KIAA1958: variants seen among roughly 807,000 people sequenced by gnomAD.
The protein encoded by KIAA1958 is uncharacterized protein KIAA1958.
In KIAA1958, 14 loss-of-function variants were observed where a neutral mutation model predicts 47.2. The observed-to-expected ratio is 0.30, with a 90% CI of 0.20 to 0.46. The LOEUF (loss-of-function observed/expected upper bound fraction) is 0.46. Among genes scored for constraint, KIAA1958 ranks in the 20% least tolerant of loss-of-function variants. The probability of loss-of-function intolerance (pLI) is 1.00; values close to 1 mark genes in which losing one functional copy is unlikely to be tolerated. For missense variants in KIAA1958, 803 were observed against 909.2 expected, an observed-to-expected ratio of 0.88 and a Z score of 1.50; for synonymous variants, 354 against 353.3, an observed-to-expected ratio of 1.00 and a Z score of -0.02.
At chr9:112,638,444 A>G (rs927221989) in intron 2 of KIAA1958, among the ~76,000 whole-genome samples, 24 of 152,082 alleles carry the variant, frequency 1.6e-4, no homozygotes, top group African/African-American at 5.3e-4. Flanking sequence ...CGAGGCTGCA[A>G]TGAGTGATAG....
In KIAA1958 at chr9:112,505,143, G is replaced by GT. The variant is rs1267501206; in HGVS notation, c.-25+18032dup. On this transcript the variant is annotated intron_variant, in intron 1 of 3. Coordinates refer to ENST00000337530, the MANE Select transcript of KIAA1958 (RefSeq NM_133465.4). ...CCATGTATAAGAATATGTGATACTT[G>GT]TTTTTTTGTGCCTGGCTTTATTTCA... is the stretch of plus-strand genomic sequence containing the variant. 2.0e-5 allele frequency among the ~76,000 whole-genome samples: 3 copies of GT among 152,132 alleles called. 1 individual carries two copies. Among genetic ancestry groups the GT allele is most frequent in the South Asian group, 4.2e-4 (2 of 4,808 alleles).
intron 3 of KIAA1958, among the ~76,000 whole-genome samples, chr9:112,653,430 G>A (rs983895868): frequency 2.6e-5 from 4 of 152,148 alleles, no homozygotes; most frequent in African/African-American, 9.7e-5. Flanking sequence ...ATGATTTGAT[G>A]AGTGAGTTAG....
At chr9:112,646,595 G>A (rs973224502) in intron 3 of KIAA1958, among the ~76,000 whole-genome samples, 1 of 152,170 alleles carries the variant, frequency 6.6e-6, no homozygotes. Flanking sequence ...AAAGCCAGGG[G>A]TACTGGCACA....
intron 2 of KIAA1958, among the ~76,000 whole-genome samples, chr9:112,634,999 A>G: frequency 6.6e-6 from 1 of 151,804 alleles, no homozygotes; most frequent in South Asian, 2.1e-4. Context: ...CCGTTTTCTC[A>G]TAGTGTGTTG....
At chr9:112,586,971 C>G (rs984821514) in intron 2 of KIAA1958, among the ~76,000 whole-genome samples, 8 of 152,120 alleles carry the variant, frequency 5.3e-5, no homozygotes, top group African/African-American at 1.9e-4. Context: ...AGCAGCAGCC[C>G]CCTTCTCCCC....
intron 1 of KIAA1958, among the ~76,000 whole-genome samples, chr9:112,516,702 T>A (rs981137868): frequency 1.3e-5 from 2 of 152,246 alleles, no homozygotes; most frequent in Non-Finnish European, 2.9e-5. Flanking sequence ...CATGACTTAT[T>A]ATAAAGTCAC....
chr9:112,510,743 A>G lies in KIAA1958; in HGVS notation c.-25+23625A>G, dbSNP rs564321648. Reference sequence around the variant, plus strand: ...TCAGGTGATAATAAATGCCATGGAGAAAAGCAGTTCGGTGTAGGGGGCATA... The same window carrying G: ...TCAGGTGATAATAAATGCCATGGAGGAAAGCAGTTCGGTGTAGGGGGCATA... On this transcript the variant is annotated intron_variant, in intron 1 of 3. Coordinates refer to ENST00000337530, the MANE Select transcript of KIAA1958 (RefSeq NM_133465.4). 3.3e-5 allele frequency among the ~76,000 whole-genome samples: 5 copies of G among 152,272 alleles called. No individual in the cohort carries two copies. In the East Asian group the frequency reaches 7.7e-4, roughly 24 times the overall value.
chr9:112,580,803 A>G (rs1835723214), intron 2 of KIAA1958, among the ~76,000 whole-genome samples: 1 of 152,014 alleles, frequency 6.6e-6, no homozygotes, highest in African/African-American at 2.4e-5. Context: ...AAAAAACACA[A>G]AGAAAGAAAC....
intron 1 of KIAA1958, among the ~76,000 whole-genome samples, chr9:112,526,558 TTTATAA>T (rs1834658698): frequency 6.6e-6 from 1 of 152,182 alleles, no homozygotes. Flanking sequence ...GACTGGGCAC[TTTATAA>T]TTAACAGAAG....
chr9:112,549,691 C>T (rs4979135), intron 1 of KIAA1958, among the ~76,000 whole-genome samples: 145,367 of 152,286 alleles, frequency 0.95, 69,455 homozygotes, highest in African/African-American at 0.99. Flanking sequence ...TTCGGTGGGG[C>T]GAGGGGAAGA....
chr9:112,602,954 C>A (rs1836160092), intron 2 of KIAA1958, among the ~76,000 whole-genome samples: 1 of 152,156 alleles, frequency 6.6e-6, no homozygotes, highest in Admixed American at 6.6e-5. Context: ...ATCTCCGTAA[C>A]CTCCCTTTCT....
chr9:112,581,100 A>G (rs551315949), intron 2 of KIAA1958, among the ~76,000 whole-genome samples: 1 of 151,930 alleles, frequency 6.6e-6, no homozygotes, highest in Non-Finnish European at 1.5e-5. Flanking sequence ...ATAGAATCAG[A>G]TGTATTTGAG....
intron 1 of KIAA1958, among the ~76,000 whole-genome samples, chr9:112,506,805 G>A (rs188821566): frequency 6.8e-4 from 103 of 151,506 alleles, no homozygotes; most frequent in Non-Finnish European, 1.0e-3. Flanking sequence ...TTTTTTTGCC[G>A]GATCATGGGT....
At chr9:112,602,466 T>C (rs1204429057) in intron 2 of KIAA1958, among the ~76,000 whole-genome samples, 1 of 152,164 alleles carries the variant, frequency 6.6e-6, no homozygotes, top group Non-Finnish European at 1.5e-5. Context: ...TGGAAGAAGT[T>C]AGTACAGTAC....
rs1837227495 is a variant in KIAA1958, at chr9:112,659,647, G to A, written c.1729G>A (p.Asp577Asn). ...LNMRTLQEHA[D>N]LMYGDIELLK... ...CATGCGGACGCTGCAGGAGCATGCG[G>A]ATCTGATGTATGGTGACATCGAGCT... The change falls in exon 4 of 4, where the codon GAT (aspartate) becomes AAT (asparagine). Residue 577 changes from aspartate to asparagine, a missense_variant. This residue lies in a region of KIAA1958 where 761 missense variants were observed against 829.3 expected (regional missense o/e 0.92). Coordinates refer to ENST00000337530, the MANE Select transcript of KIAA1958 (RefSeq NM_133465.4). 6.2e-7 allele frequency: 1 copy of A among 1,614,190 alleles called. No homozygotes were observed. Among genetic ancestry groups the A allele is most frequent in the Non-Finnish European group, 8.5e-7 (1 of 1,180,036 alleles).
intron 3 of KIAA1958, among the ~76,000 whole-genome samples, chr9:112,648,128 G>A (rs973866017): frequency 5.9e-5 from 9 of 152,122 alleles, no homozygotes; most frequent in Non-Finnish European, 1.3e-4. Flanking sequence ...TAAAACAGAT[G>A]AAAGATATAA....
At chr9:112,605,242 T>C (rs930214456) in intron 2 of KIAA1958, among the ~76,000 whole-genome samples, 18 of 151,984 alleles carry the variant, frequency 1.2e-4, no homozygotes, top group Non-Finnish European at 2.2e-4. Context: ...TGTTTCCTGG[T>C]TCTTTAATAT....
At chr9:112,491,291 C>T (rs757695696) in intron 1 of KIAA1958, among the ~76,000 whole-genome samples, 4 of 152,196 alleles carry the variant, frequency 2.6e-5, no homozygotes, top group African/African-American at 4.8e-5. Context: ...TTTAAGAAGA[C>T]GTTAAAACGT....
chr9:112,567,772 C>T (rs534468966), intron 1 of KIAA1958, among the ~76,000 whole-genome samples: 24 of 151,900 alleles, frequency 1.6e-4, no homozygotes, highest in Non-Finnish European at 2.8e-4. Flanking sequence ...TCCTGGCTAA[C>T]ATGGTGAAAC....
Sources: gnomAD v4.1 joint callset for allele counts (sites outside exome capture counted in the v4.1 genomes callset) on GRCh38, gnomAD v4.1.1 for gene constraint, gnomAD v4.1.1 regional missense constraint, MANE v1.5 for transcripts, NCBI Gene and HGNC (gene_info 2026-07-23, HGNC 2026-07-21) for gene names.